Variants in RUNDC3B observed in about 807,000 individuals in gnomAD.
RUNDC3B encodes the protein RUN domain containing 3B.
A neutral mutation model predicts 58.4 loss-of-function variants in RUNDC3B; 33 were observed. The observed-to-expected ratio is 0.56, with a 90% CI of 0.43 to 0.75. RUNDC3B has a LOEUF of 0.75. Among genes scored for constraint, RUNDC3B ranks in the 30% least tolerant of loss-of-function variants. The pLI is 0.00. For missense variants in RUNDC3B, 501 were observed against 535.7 expected (o/e 0.94, Z 0.64); for synonymous variants, 193 against 195.2 (o/e 0.99, Z 0.10).
chr7:87,640,315 T>C (rs1822299920), intron 1 of RUNDC3B, among the ~76,000 whole-genome samples: 2 of 151,854 alleles, frequency 1.3e-5, no homozygotes. Context: ...CCTTCCTCAG[T>C]TTTGGAAAAA....
intron 4 of RUNDC3B, among the ~76,000 whole-genome samples, chr7:87,725,174 T>G (rs1318180372): frequency 6.6e-6 from 1 of 152,174 alleles, no homozygotes; most frequent in Non-Finnish European, 1.5e-5. Flanking sequence ...ATGTGGCATG[T>G]TGGTGTGCTG....
At chr7:87,702,259 T>G (rs932755486) in intron 3 of RUNDC3B, among the ~76,000 whole-genome samples, 2 of 151,152 alleles carry the variant, frequency 1.3e-5, no homozygotes, top group Admixed American at 6.6e-5. Flanking sequence ...GGTAATGGGT[T>G]TATTGTTTTA....
chr7:87,632,281 A>G (rs568786672), intron 1 of RUNDC3B, among the ~76,000 whole-genome samples: 6 of 152,154 alleles, frequency 3.9e-5, no homozygotes, highest in Non-Finnish European at 8.8e-5. Flanking sequence ...TTCAAGTGCA[A>G]TATATAGTTT....
At chr7:87,765,444 C>G (rs903141817) in intron 6 of RUNDC3B, among the ~76,000 whole-genome samples, 2 of 151,944 alleles carry the variant, frequency 1.3e-5, no homozygotes, top group African/African-American at 4.8e-5. Context: ...GTGCTATAAA[C>G]TTTCCTCTTA....
chr7:87,691,622 A>C (rs1265735162), intron 2 of RUNDC3B, among the ~76,000 whole-genome samples: 1 of 152,116 alleles, frequency 6.6e-6, no homozygotes, highest in Admixed American at 6.6e-5. Context: ...GCTTTGTCAT[A>C]CGCTTGTTTA....
intron 6 of RUNDC3B, among the ~76,000 whole-genome samples, chr7:87,746,999 G>A (rs143899750): frequency 8.9e-4 from 135 of 152,180 alleles, no homozygotes; most frequent in African/African-American, 3.2e-3. Context: ...TCTTGGTTTG[G>A]ATCCATTGCT....
At chr7:87,827,300 CAACATGGTG>C (rs1162809756) in intron 10 of RUNDC3B, among the ~76,000 whole-genome samples, 1 of 152,102 alleles carries the variant, frequency 6.6e-6, no homozygotes, top group Non-Finnish European at 1.5e-5. Context: ...CCAGCCTGAC[CAACATGGTG>C]AAACACTGTC....
chr7:87,684,063 T>C (rs1253213047), intron 2 of RUNDC3B, among the ~76,000 whole-genome samples: 1 of 152,190 alleles, frequency 6.6e-6, no homozygotes, highest in Non-Finnish European at 1.5e-5. Flanking sequence ...AATAGGTGCA[T>C]AGAAAAGCAT....
chr7:87,722,941 C>T (rs1462278914), intron 4 of RUNDC3B, among the ~76,000 whole-genome samples: 1 of 152,158 alleles, frequency 6.6e-6, no homozygotes, highest in Non-Finnish European at 1.5e-5. Context: ...CACAAACAAA[C>T]GCATCTTACA....
chr7:87,643,687 A>AT (rs879620782), intron 1 of RUNDC3B, among the ~76,000 whole-genome samples: 2,200 of 141,358 alleles, frequency 0.016, 42 homozygotes, highest in African/African-American at 0.049. Flanking sequence ...TGCTCAGCTG[A>AT]TTTTTTTTTT....
chr7:87,671,354 G>A (rs1358099515), intron 2 of RUNDC3B, among the ~76,000 whole-genome samples: 4 of 152,170 alleles, frequency 2.6e-5, no homozygotes, highest in African/African-American at 4.8e-5. Context: ...CCTGTCCAGG[G>A]AGTTGCCAAG....
chr7:87,752,069 G>A (rs1475631119), intron 6 of RUNDC3B, among the ~76,000 whole-genome samples: 2 of 152,190 alleles, frequency 1.3e-5, no homozygotes, highest in African/African-American at 4.8e-5. Context: ...AATTTATTGA[G>A]AGTTTTTAGC....
At chr7:87,763,306 G>A (rs1349029653) in intron 6 of RUNDC3B, among the ~76,000 whole-genome samples, 1 of 151,494 alleles carries the variant, frequency 6.6e-6, no homozygotes, top group Non-Finnish European at 1.5e-5. Flanking sequence ...AATTGTTACT[G>A]TTTTATACTC....
chr7:87,715,456 TATTATATTAA>T (rs1238748047), intron 4 of RUNDC3B, among the ~76,000 whole-genome samples: 1 of 118,256 alleles, frequency 8.5e-6, no homozygotes, highest in African/African-American at 2.9e-5. Context: ...TATATAATTA[TATTATATTAA>T]TTTATATTAA....
intron 6 of RUNDC3B, among the ~76,000 whole-genome samples, chr7:87,752,048 C>T (rs545427477): frequency 6.6e-6 from 1 of 152,270 alleles, no homozygotes; most frequent in East Asian, 1.9e-4. Context: ...AAATATGTCC[C>T]ATCAATACCT....
intron 6 of RUNDC3B, among the ~76,000 whole-genome samples, chr7:87,767,109 T>A (rs983384203): frequency 3.3e-5 from 5 of 152,212 alleles, no homozygotes; most frequent in African/African-American, 1.2e-4. Context: ...TTTAAAAATA[T>A]CTACCTAACT....
intron 2 of RUNDC3B, among the ~76,000 whole-genome samples, chr7:87,695,950 AT>A (rs933102047): frequency 2.6e-5 from 4 of 152,122 alleles, no homozygotes; most frequent in Non-Finnish European, 5.9e-5. Flanking sequence ...AGATGAGGCA[AT>A]TTAGTTGGAA....
intron 2 of RUNDC3B, among the ~76,000 whole-genome samples, chr7:87,678,191 C>G (rs1381330220): frequency 6.6e-6 from 1 of 152,146 alleles, no homozygotes; most frequent in Non-Finnish European, 1.5e-5. Flanking sequence ...ACTACTCAAG[C>G]AATCCTCCCA....
chr7:87,733,062 C>G (rs1334117988), intron 4 of RUNDC3B, among the ~76,000 whole-genome samples: 1 of 152,178 alleles, frequency 6.6e-6, no homozygotes, highest in Non-Finnish European at 1.5e-5. Context: ...TGCCTTAACC[C>G]TAAAGAGGCC....
Sources: gnomAD v4.1 joint callset for allele counts (sites outside exome capture counted in the v4.1 genomes callset) on GRCh38, gnomAD v4.1.1 for gene constraint, MANE v1.5 for transcripts, NCBI Gene and HGNC (gene_info 2026-07-23, HGNC 2026-07-21) for gene names.